Variants in MDGA2 observed in about 807,000 individuals in gnomAD.
The protein encoded by MDGA2 is MAM domain containing glycosylphosphatidylinositol anchor 2.
Under a neutral mutation model 117.8 loss-of-function variants are expected in MDGA2, and 40 were observed. That is an observed-to-expected ratio of 0.34 (90% confidence interval 0.26 to 0.44). The LOEUF (loss-of-function observed/expected upper bound fraction) is 0.44. MDGA2 is among the 20% of genes least tolerant of loss of function. MDGA2 has a pLI of 1.00. For synonymous variants in MDGA2, 452 were observed against 439.0 expected (o/e 1.03, Z -0.37); for missense variants, 1,123 against 1,250.6 (o/e 0.90, Z 1.54).
At chr14:47,003,689 A>G in intron 8 of MDGA2, among the ~76,000 whole-genome samples, 1 of 151,964 alleles carries the variant, frequency 6.6e-6, no homozygotes, top group Non-Finnish European at 1.5e-5. Context: ...TACATATTCT[A>G]AATTTGCAAA....
chr14:47,135,247 G>C (rs993281938), intron 4 of MDGA2, among the ~76,000 whole-genome samples: 1 of 151,712 alleles, frequency 6.6e-6, no homozygotes, highest in Non-Finnish European at 1.5e-5. Context: ...TCATTTCTTG[G>C]TTGTTTTACC....
At chr14:47,535,551 G>C (rs1160477575) in intron 1 of MDGA2, among the ~76,000 whole-genome samples, 1 of 152,232 alleles carries the variant, frequency 6.6e-6, no homozygotes, top group Non-Finnish European at 1.5e-5. Flanking sequence ...CTCTGTGTTA[G>C]AAAGGACGTG....
intron 6 of MDGA2, among the ~76,000 whole-genome samples, chr14:47,064,290 G>A (rs1890000011): frequency 6.6e-6 from 1 of 151,922 alleles, no homozygotes; most frequent in African/African-American, 2.4e-5. Flanking sequence ...GAATGACACA[G>A]AATCTAAAGG....
At chr14:47,022,816 T>G (rs1342908997) in intron 8 of MDGA2, among the ~76,000 whole-genome samples, 1 of 152,170 alleles carries the variant, frequency 6.6e-6, no homozygotes, top group East Asian at 1.9e-4. Flanking sequence ...TCACCTTGAC[T>G]GGAACATGAA....
chr14:46,866,100 A>C (rs1420189351), intron 14 of MDGA2, among the ~76,000 whole-genome samples: 1 of 151,988 alleles, frequency 6.6e-6, no homozygotes, highest in African/African-American at 2.4e-5. Flanking sequence ...CCTAAGCCAA[A>C]AGAACAAAGC....
intron 10 of MDGA2, among the ~76,000 whole-genome samples, chr14:46,904,247 C>T (rs541329675): frequency 6.6e-6 from 1 of 151,454 alleles, no homozygotes; most frequent in Non-Finnish European, 1.5e-5. Context: ...TGGCATATGC[C>T]TGTAATCCCA....
intron 10 of MDGA2, among the ~76,000 whole-genome samples, chr14:46,910,116 T>C (rs1883642289): frequency 2.0e-5 from 3 of 152,162 alleles, no homozygotes; most frequent in Non-Finnish European, 2.9e-5. Context: ...GTTCTTAATA[T>C]ATAGAAATGA....
At chr14:47,552,253 T>G (rs145012983) in intron 1 of MDGA2, among the ~76,000 whole-genome samples, 1,962 of 152,294 alleles carry the variant, frequency 0.013, 41 homozygotes, top group African/African-American at 0.044. Context: ...CACCTTTGAC[T>G]GTCGTATGTA....
intron 1 of MDGA2, among the ~76,000 whole-genome samples, chr14:47,618,406 A>G (rs1368737768): frequency 6.6e-6 from 1 of 152,112 alleles, no homozygotes. Flanking sequence ...TCATTATCAA[A>G]AGCCTACCTG....
chr14:47,053,563 TTTCAACTATGAG>T (rs1159747363), intron 7 of MDGA2, among the ~76,000 whole-genome samples: 2 of 147,138 alleles, frequency 1.4e-5, no homozygotes, highest in Non-Finnish European at 3.0e-5. Context: ...AGCCAACAGC[TTTCAACTATGAG>T]TAGCAAATAC....
At chr14:47,282,949 T>TAATA (rs1012123892) in intron 2 of MDGA2, among the ~76,000 whole-genome samples, 11 of 152,030 alleles carry the variant, frequency 7.2e-5, no homozygotes, top group Admixed American at 2.0e-4. Flanking sequence ...ATCCTGTCTT[T>TAATA]AATAAATAAA....
At chr14:47,564,284 G>C (rs867388621) in intron 1 of MDGA2, among the ~76,000 whole-genome samples, 4 of 152,096 alleles carry the variant, frequency 2.6e-5, no homozygotes, top group African/African-American at 9.7e-5. Context: ...TTCTGAATTT[G>C]ACTGTTGATG....
chr14:47,407,401 T>C (rs1350258580), intron 1 of MDGA2, among the ~76,000 whole-genome samples: 1 of 152,186 alleles, frequency 6.6e-6, no homozygotes, highest in Non-Finnish European at 1.5e-5. Flanking sequence ...GCAGTAATCA[T>C]TATTTTTATT....
intron 8 of MDGA2, among the ~76,000 whole-genome samples, chr14:47,012,440 A>G (rs188460569): frequency 6.6e-6 from 1 of 152,296 alleles, no homozygotes; most frequent in East Asian, 1.9e-4. Flanking sequence ...TATAACAGAA[A>G]ATACAAAGAT....
chr14:47,055,343 A>C (rs1231675466), intron 7 of MDGA2, among the ~76,000 whole-genome samples: 1 of 151,942 alleles, frequency 6.6e-6, no homozygotes, highest in East Asian at 1.9e-4. Context: ...GTCATTCTTG[A>C]TTGTGTGAAT....
At chr14:46,998,574 A>G (rs1234159676) in intron 8 of MDGA2, among the ~76,000 whole-genome samples, 1 of 152,156 alleles carries the variant, frequency 6.6e-6, no homozygotes, top group Non-Finnish European at 1.5e-5. Context: ...AATAAGACTG[A>G]GTAACAAAAT....
chr14:47,340,977 GCTTGTACTGATGATTGGTCCCACC>G (rs1313607866), intron 1 of MDGA2, among the ~76,000 whole-genome samples: 2 of 152,154 alleles, frequency 1.3e-5, no homozygotes, highest in Non-Finnish European at 1.5e-5. Flanking sequence ...CAGGTTGGTT[GCTTGTACTGATGATTGGTCCCACC>G]CTCTATATTT....
intron 1 of MDGA2, among the ~76,000 whole-genome samples, chr14:47,575,086 C>A (rs1395480265): frequency 1.3e-5 from 2 of 152,188 alleles, no homozygotes; most frequent in Non-Finnish European, 2.9e-5. Context: ...TGAGTGACTT[C>A]TGAGTTTACT....
Position 47,321,189 on chromosome 14 carries a change from G to C in MDGA2, c.281-19639C>G, listed in dbSNP as rs546081750. 2.0e-5 allele frequency among the ~76,000 whole-genome samples: 3 copies of C among 152,268 alleles called. No homozygotes were observed. In the East Asian group the frequency reaches 5.8e-4, roughly 29 times the overall value. Reference sequence around the variant, plus strand: ...GAAACACACATGCACACACACAAAAGTGACTCTGTACTCAGTTCTGGGTAA... The same window carrying C: ...GAAACACACATGCACACACACAAAACTGACTCTGTACTCAGTTCTGGGTAA... On this transcript the variant is annotated intron_variant, in intron 1 of 16. Transcript: ENST00000399232.
Sources: allele counts gnomAD v4.1 joint callset (sites outside exome capture counted in the v4.1 genomes callset), GRCh38; gene constraint gnomAD v4.1.1; transcripts MANE v1.5; gene names NCBI Gene and HGNC (gene_info 2026-07-23, HGNC 2026-07-21).